NDRG3: variants seen among roughly 807,000 people sequenced by gnomAD.
The protein encoded by NDRG3 is NDRG family member 3.
Under a neutral mutation model 57.2 loss-of-function variants are expected in NDRG3, and 23 were observed. The observed-to-expected ratio is 0.40, with a 90% CI of 0.29 to 0.57. NDRG3 has a LOEUF of 0.57. Among genes scored for constraint, NDRG3 ranks in the 20% least tolerant of loss-of-function variants. The pLI, the probability that NDRG3 is intolerant of heterozygous loss-of-function variation, is 0.42. For missense variants in NDRG3, 384 were observed against 457.3 expected, an observed-to-expected ratio of 0.84 and a Z score of 1.46; for synonymous variants, 132 against 162.6, an observed-to-expected ratio of 0.81 and a Z score of 1.43.
At chr20:36,742,823 A>C (rs1377820668) in intron 1 of NDRG3, among the ~76,000 whole-genome samples, 1 of 152,206 alleles carries the variant, frequency 6.6e-6, no homozygotes, top group African/African-American at 2.4e-5. Flanking sequence ...CCATACATCC[A>C]TGCCTTACCC....
chr20:36,733,997 G>GCAC (rs1374140300), intron 1 of NDRG3, among the ~76,000 whole-genome samples: 3 of 152,134 alleles, frequency 2.0e-5, no homozygotes, highest in Admixed American at 6.6e-5. Flanking sequence ...TATTATGATG[G>GCAC]CACCGTGAGC....
intron 3 of NDRG3, among the ~76,000 whole-genome samples, chr20:36,702,229 T>C (rs1482845273): frequency 2.6e-5 from 4 of 151,854 alleles, no homozygotes; most frequent in Admixed American, 6.6e-5. Context: ...CTCCGCCTCC[T>C]GGGTTCACGC....
At position 36,746,072 on chromosome 20, in the gene NDRG3, C is replaced by T; in HGVS notation, c.-76G>A. The T allele has an allele frequency of 9.7e-6, 3 of 308,054 alleles. No individual in the cohort carries two copies. Among genetic ancestry groups the T allele is most frequent in the Non-Finnish European group, 1.7e-5 (3 of 180,588 alleles). The allele number at this position is 308,054 out of a possible 1,614,324, so 19.1% of individuals were successfully genotyped here. A position where few individuals can be genotyped will look rare whatever the true frequency, so the allele number is the denominator to read the frequency against. On this transcript the variant is annotated 5_prime_UTR_variant, in exon 1 of 16. Transcript: ENST00000349004. ...GAGGCGCGGGCACCCGCCGTCAGTGCAGCAGCAGCGGCGGCGGCGGCGGCG... is the reference window on the plus strand; with the variant it reads ...GAGGCGCGGGCACCCGCCGTCAGTGTAGCAGCAGCGGCGGCGGCGGCGGCG...
intron 3 of NDRG3, among the ~76,000 whole-genome samples, chr20:36,699,653 G>A (rs767652031): frequency 2.0e-5 from 3 of 151,910 alleles, no homozygotes; most frequent in Non-Finnish European, 4.4e-5. Flanking sequence ...GCCAAGGCCC[G>A]GTAACTGATG....
chr20:36,659,005 G>A (rs1600851493), intron 13 of NDRG3, among the ~76,000 whole-genome samples: 1 of 147,950 alleles, frequency 6.8e-6, no homozygotes, highest in African/African-American at 2.5e-5. Context: ...CACCTAGGTT[G>A]GAGTGCAGCA....
At chr20:36,664,991 CACATTTTATT>C in intron 12 of NDRG3, 45 bp downstream of exon 12, 1 of 1,559,946 alleles carries the variant, frequency 6.4e-7, no homozygotes, top group Non-Finnish European at 8.8e-7. Flanking sequence ...ACCTGGCCTA[CACATTTTATT>C]ACATTTTGAT....
chr20:36,695,517 G>C (rs1038974252), intron 3 of NDRG3, among the ~76,000 whole-genome samples: 7 of 152,150 alleles, frequency 4.6e-5, no homozygotes, highest in African/African-American at 1.7e-4. Context: ...ACGCATTCCT[G>C]GGGGGACGGA....
intron 1 of NDRG3, among the ~76,000 whole-genome samples, chr20:36,734,056 CTG>C (rs1291732312): frequency 6.6e-6 from 1 of 152,124 alleles, no homozygotes; most frequent in East Asian, 1.9e-4. Context: ...CATGAAGAAA[CTG>C]AGGCTGAAAG....
chr20:36,739,148 A>T (rs1399825173), intron 1 of NDRG3, among the ~76,000 whole-genome samples: 9 of 138,542 alleles, frequency 6.5e-5, no homozygotes, highest in East Asian at 2.1e-4. Context: ...AAAAAAAAAA[A>T]AAAAAAAAAA....
In NDRG3 at chr20:36,712,585, A is replaced by ATTT. The variant is rs1273225549; in HGVS notation, c.58-5579_58-5578insAAA. 8.3e-3 allele frequency among the ~76,000 whole-genome samples: 70 copies of ATTT among 8,474 alleles called. 1 individual carries two copies. The highest frequency in any genetic ancestry group is 0.012 in the African/African-American group (30 of 2,532). 5.6% of individuals were successfully genotyped at this position (8,474 alleles called of 152,430 possible). ...TATATATATATATATATATATATAT[A>ATTT]TATTTTTTTTTTTTTTTTTTTTTTT... On this transcript the variant is annotated intron_variant, in intron 2 of 15. Coordinates refer to ENST00000349004, the MANE Select transcript of NDRG3 (RefSeq NM_032013.4).
chr20:36,693,141 TACAC>T lies in NDRG3; in HGVS notation c.94-4361_94-4358del, dbSNP rs575813448. 9.2e-4 allele frequency among the ~76,000 whole-genome samples: 32 copies of T among 34,614 alleles called. No individual in the cohort carries two copies. The South Asian group carries it at 0.015, about 16-fold the overall frequency. 22.7% of individuals were successfully genotyped at this position (34,614 alleles called of 152,430 possible). ...ATATATATATATATATATATATATATACACACACACACATATACACATATATATA... is the reference window on the plus strand; with the variant it reads ...ATATATATATATATATATATATATATACACACACATATACACATATATATA... On this transcript the variant is annotated intron_variant, in intron 3 of 15. Coordinates refer to ENST00000349004, the MANE Select transcript of NDRG3 (RefSeq NM_032013.4).
intron 12 of NDRG3, 66 bp from the exon 13 acceptor site, chr20:36,660,450 G>C (rs569141032): frequency 8.3e-7 from 1 of 1,207,702 alleles, no homozygotes; most frequent in Admixed American, 1.7e-5. Context: ...GAAATAGCTC[G>C]GTATGAGAAT....
chr20:36,680,702 A>G, intron 8 of NDRG3, 114 bp downstream of exon 8: 1 of 680,082 alleles, frequency 1.5e-6, no homozygotes, highest in Non-Finnish European at 2.5e-6. Context: ...ACATTCTTCA[A>G]GCTATATACT....
intron 5 of NDRG3, 82 bp from the exon 6 acceptor site, chr20:36,684,557 C>A: frequency 7.7e-7 from 1 of 1,291,200 alleles, no homozygotes. Context: ...GTCCAGAAGT[C>A]TTAGATAAAA....
intron 9 of NDRG3, among the ~76,000 whole-genome samples, chr20:36,668,871 T>C (rs1172691629): frequency 6.6e-6 from 1 of 151,738 alleles, no homozygotes; most frequent in Non-Finnish European, 1.5e-5. Flanking sequence ...AGTGAGGATG[T>C]TCTTGCTTTT....
chr20:36,681,559 C>T (rs1264981258), intron 7 of NDRG3, among the ~76,000 whole-genome samples: 1 of 148,808 alleles, frequency 6.7e-6, no homozygotes, highest in African/African-American at 2.5e-5. Context: ...TCACTTAAAC[C>T]CAGGAGGCGG....
chr20:36,695,548 G>A (rs139795161), intron 3 of NDRG3, among the ~76,000 whole-genome samples: 7 of 152,284 alleles, frequency 4.6e-5, no homozygotes, highest in Non-Finnish European at 7.4e-5. Flanking sequence ...TAAAATGGCC[G>A]CTGTGGGAGT....
intron 1 of NDRG3, among the ~76,000 whole-genome samples, chr20:36,722,777 C>T (rs1984672626): frequency 1.3e-5 from 2 of 152,180 alleles, no homozygotes; most frequent in South Asian, 4.1e-4. Flanking sequence ...TTCATTCACA[C>T]ATATGTATAA....
chr20:36,663,952 A>T (rs1979409146), intron 12 of NDRG3, among the ~76,000 whole-genome samples: 1 of 152,110 alleles, frequency 6.6e-6, no homozygotes, highest in African/African-American at 2.4e-5. Flanking sequence ...CTGGGAATGC[A>T]GGTGCATGCC....
Sources: gnomAD v4.1 joint callset for allele counts (sites outside exome capture counted in the v4.1 genomes callset) on GRCh38, gnomAD v4.1.1 for gene constraint, MANE v1.5 for transcripts, NCBI Gene and HGNC (gene_info 2026-07-23, HGNC 2026-07-21) for gene names.